CSMD3: variants seen among roughly 807,000 people sequenced by gnomAD.
CSMD3 encodes the protein CUB and sushi domain-containing protein 3.
Under a neutral mutation model 435.2 loss-of-function variants are expected in CSMD3, and 177 were observed. The observed-to-expected ratio is 0.41, with a 90% CI of 0.36 to 0.46. The LOEUF is 0.46. Ranked by LOEUF, CSMD3 falls within the 20% of genes least tolerant of loss-of-function variation. CSMD3 has a pLI of 0.34. For missense variants in CSMD3, 4,265 were observed against 4,504.6 expected (o/e 0.95, Z 1.52); for synonymous variants, 1,656 against 1,520.5 (o/e 1.09, Z -2.07).
chr8:112,916,535 CAT>C (rs1329503477), intron 10 of CSMD3, among the ~76,000 whole-genome samples: 1 of 151,794 alleles, frequency 6.6e-6, no homozygotes, highest in Non-Finnish European at 1.5e-5. Flanking sequence ...TCTCCTTCAC[CAT>C]ATGTCACTCT....
rs1402415225 is a variant in CSMD3 at position 112,346,669 on chromosome 8, C to CTTTT, written c.6326-460_6326-457dup. Among the ~76,000 whole-genome samples, 43 of 111,850 alleles carry CTTTT rather than the reference C, an allele frequency of 3.8e-4. 7 individuals carry two copies. Among genetic ancestry groups the CTTTT allele is most frequent in the African/African-American group, 1.3e-3 (30 of 22,808 alleles). 73.4% of individuals were successfully genotyped at this position (111,850 alleles called of 152,430 possible). ...ATTTTCACAGCCTTCCCTCCTTTTCCTTTTTTTTTTTTTTTTTTTTTTTTT... is the reference window on the plus strand; with the variant it reads ...ATTTTCACAGCCTTCCCTCCTTTTCCTTTTTTTTTTTTTTTTTTTTTTTTTTTTT... On this transcript the variant is annotated intron_variant, in intron 40 of 70. Coordinates refer to ENST00000297405, the MANE Select transcript of CSMD3 (RefSeq NM_198123.2).
intron 27 of CSMD3, among the ~76,000 whole-genome samples, chr8:112,539,567 A>T (rs1191161746): frequency 6.6e-6 from 1 of 152,146 alleles, no homozygotes; most frequent in Non-Finnish European, 1.5e-5. Context: ...CTGACATAAA[A>T]ATAGACACAC....
chr8:112,619,573 C>T (rs972658864), intron 22 of CSMD3, among the ~76,000 whole-genome samples: 6 of 151,966 alleles, frequency 3.9e-5, no homozygotes, highest in East Asian at 1.9e-4. Context: ...AGAACTTGTA[C>T]CATATTGTCC....
chr8:112,300,148 T>G (rs1045991956), intron 53 of CSMD3, among the ~76,000 whole-genome samples: 1 of 147,412 alleles, frequency 6.8e-6, no homozygotes, highest in African/African-American at 2.4e-5. Context: ...ATTTAAATAT[T>G]TTAAATATTG....
chr8:112,431,619 C>T (rs1813719879), intron 32 of CSMD3, among the ~76,000 whole-genome samples: 1 of 152,048 alleles, frequency 6.6e-6, no homozygotes, highest in African/African-American at 2.4e-5. Flanking sequence ...GTATAGTGCA[C>T]TACTCAATAA....
intron 58 of CSMD3, among the ~76,000 whole-genome samples, chr8:112,284,793 T>G (rs552273923): frequency 6.6e-6 from 1 of 152,136 alleles, no homozygotes; most frequent in Non-Finnish European, 1.5e-5. Context: ...TTTATCATTC[T>G]ATTCATTATC....
At chr8:112,844,792 G>A (rs759498777) in intron 11 of CSMD3, among the ~76,000 whole-genome samples, 3 of 151,854 alleles carry the variant, frequency 2.0e-5, no homozygotes, top group East Asian at 1.9e-4. Flanking sequence ...TGTGCATCTC[G>A]GTTGTTTTAA....
intron 3 of CSMD3, among the ~76,000 whole-genome samples, chr8:113,234,511 CATT>C (rs2093126166): frequency 6.6e-6 from 1 of 152,116 alleles, no homozygotes; most frequent in Non-Finnish European, 1.5e-5. Flanking sequence ...AGGCTGGAAA[CATT>C]AATTCAAGCA....
chr8:113,154,261 T>C (rs547129878), intron 4 of CSMD3, among the ~76,000 whole-genome samples: 2 of 151,994 alleles, frequency 1.3e-5, no homozygotes, highest in Non-Finnish European at 2.9e-5. Context: ...TGATTATTTA[T>C]AGAATGTCTG....
At chr8:112,823,241 T>C (rs748041810) in intron 12 of CSMD3, among the ~76,000 whole-genome samples, 6 of 152,218 alleles carry the variant, frequency 3.9e-5, no homozygotes, top group Non-Finnish European at 5.9e-5. Flanking sequence ...GTGGAAGAAT[T>C]TGGCTGTGAA....
intron 32 of CSMD3, among the ~76,000 whole-genome samples, chr8:112,424,312 GAATT>G (rs1586279314): frequency 6.6e-6 from 1 of 152,076 alleles, no homozygotes; most frequent in African/African-American, 2.4e-5. Context: ...AAGGCAAGAA[GAATT>G]AATAGTAAGT....
At chr8:113,347,243 A>G (rs2094158146) in intron 1 of CSMD3, among the ~76,000 whole-genome samples, 1 of 152,160 alleles carries the variant, frequency 6.6e-6, no homozygotes, top group Non-Finnish European at 1.5e-5. Context: ...TTTGACACTT[A>G]CTTTTCTTCA....
intron 38 of CSMD3, among the ~76,000 whole-genome samples, chr8:112,373,897 C>T (rs913485825): frequency 3.0e-4 from 45 of 152,066 alleles, no homozygotes; most frequent in African/African-American, 1.1e-3. Context: ...TTCTGATTGC[C>T]CTGCTGGATA....
intron 12 of CSMD3, among the ~76,000 whole-genome samples, chr8:112,820,005 T>G (rs1221893679): frequency 6.6e-6 from 1 of 152,188 alleles, no homozygotes; most frequent in Non-Finnish European, 1.5e-5. Context: ...TGGCATCACC[T>G]TCTTCAAAAA....
chr8:112,673,172 T>C (rs1662806804), intron 16 of CSMD3, among the ~76,000 whole-genome samples: 2 of 151,644 alleles, frequency 1.3e-5, no homozygotes, highest in Non-Finnish European at 2.9e-5. Context: ...ATTTTGTTCC[T>C]TAAAAAAAAA....
intron 32 of CSMD3, among the ~76,000 whole-genome samples, chr8:112,448,755 T>TAAAAA (rs199998820): frequency 7.9e-6 from 1 of 127,188 alleles, no homozygotes; most frequent in South Asian, 2.4e-4. Context: ...TACAATCTAT[T>TAAAAA]AAAAAAAAAA....
chr8:112,479,636 C>A (rs927446959), intron 31 of CSMD3, among the ~76,000 whole-genome samples: 1 of 152,182 alleles, frequency 6.6e-6, no homozygotes. Context: ...GGTCCAGGTA[C>A]AGCTCAGGCC....
At chr8:112,763,722 T>C (rs926687591) in intron 13 of CSMD3, among the ~76,000 whole-genome samples, 4 of 150,686 alleles carry the variant, frequency 2.7e-5, no homozygotes, top group Non-Finnish European at 5.9e-5. Flanking sequence ...TTATTGAGCT[T>C]TGCTTCTAAA....
At chr8:112,975,694 A>G (rs1249145717) in intron 7 of CSMD3, 143 bp downstream of exon 7, 2 of 1,218,484 alleles carry the variant, frequency 1.6e-6, no homozygotes, top group Non-Finnish European at 2.3e-6. Context: ...GGTTGTTACT[A>G]TCCATATTTT....
Sources: gnomAD v4.1 joint callset for allele counts (sites outside exome capture counted in the v4.1 genomes callset) on GRCh38, gnomAD v4.1.1 for gene constraint, MANE v1.5 for transcripts, NCBI Gene and HGNC (gene_info 2026-07-23, HGNC 2026-07-21) for gene names.